The following ANO2 variants were observed in gnomAD, a reference collection of about 807,000 sequenced individuals.
The protein encoded by ANO2 is anoctamin-2.
Under a neutral mutation model 124.2 loss-of-function variants are expected in ANO2, and 101 were observed. The observed-to-expected ratio is 0.81, with a 90% CI of 0.69 to 0.96. The LOEUF (loss-of-function observed/expected upper bound fraction) is 0.96, where lower values mean the gene tolerates loss of function less well. Among genes scored for constraint, ANO2 ranks in the 40% least tolerant of loss-of-function variants. The pLI is 0.00. For missense variants in ANO2, 1,293 were observed against 1,274.5 expected (o/e 1.01, Z -0.22); for synonymous variants, 486 against 482.5 (o/e 1.01, Z -0.09).
chr12:5,656,640 A>C (rs755623326), intron 14 of ANO2, among the ~76,000 whole-genome samples: 3 of 152,156 alleles, frequency 2.0e-5, no homozygotes, highest in Non-Finnish European at 4.4e-5. Flanking sequence ...CAGTTCCAGG[A>C]GAGCAGAGGC....
chr12:5,923,118 GCA>G (rs1188832480), intron 1 of ANO2, among the ~76,000 whole-genome samples: 403 of 18,728 alleles, frequency 0.022, 62 homozygotes, highest in Non-Finnish European at 0.039. Context: ...ACACATGCAC[GCA>G]CACACACCCA....
At chr12:5,659,506 T>C (rs1285106906) in intron 14 of ANO2, among the ~76,000 whole-genome samples, 3 of 152,310 alleles carry the variant, frequency 2.0e-5, no homozygotes, top group Middle Eastern at 3.4e-3. Flanking sequence ...GGCCTCAGTC[T>C]AGGAGGGGAA....
chr12:5,769,755 T>C lies in ANO2; in HGVS notation c.1056-18785A>G, dbSNP rs892674442. On this transcript the variant is annotated intron_variant, in intron 10 of 24. Transcript: ENST00000682330. This position sits in a 1 kb window ranked among gnomAD's most constrained non-coding sequence, Gnocchi z 4.0. ...CCTTCATTCTAGGTACTCTGCTGAA[T>C]GTTTTGCACGCATGATCCCTTAGGA... 3.9e-5 allele frequency among the ~76,000 whole-genome samples: 6 copies of C among 152,212 alleles called. No homozygotes were observed. The East Asian group carries it at 5.8e-4, about 15-fold the overall frequency.
chr12:5,615,893 C>T (rs1382224193), intron 16 of ANO2, among the ~76,000 whole-genome samples: 2 of 152,132 alleles, frequency 1.3e-5, no homozygotes, highest in Non-Finnish European at 2.9e-5. Flanking sequence ...ATGATAAAGG[C>T]TTGTCATAGA....
At chr12:5,843,411 A>G (rs537531742) in intron 4 of ANO2, among the ~76,000 whole-genome samples, 1 of 152,084 alleles carries the variant, frequency 6.6e-6, no homozygotes, top group Non-Finnish European at 1.5e-5. Flanking sequence ...TGAGCCAGGC[A>G]TAGTGGCGCA....
intron 14 of ANO2, among the ~76,000 whole-genome samples, chr12:5,679,749 A>C (rs1289462229): frequency 1.3e-5 from 2 of 152,234 alleles, no homozygotes; most frequent in Non-Finnish European, 2.9e-5. Context: ...AAGACCTAGA[A>C]CCAGAAATAC....
At chr12:5,851,882 G>A (rs7485945) in intron 4 of ANO2, 687,898 of 712,166 alleles carry the variant, frequency 0.97, 333,090 homozygotes, top group East Asian at 1. Context: ...CACTTTTCCT[G>A]TGTCTCTAGG....
At chr12:5,830,297 CATA>C in intron 6 of ANO2, 135 bp downstream of exon 6, 5 of 813,610 alleles carry the variant, frequency 6.1e-6, no homozygotes, top group Non-Finnish European at 9.6e-6. Flanking sequence ...GAAGCTCTTG[CATA>C]CTCTTCTCTG....
chr12:5,831,394 C>T (rs1190757014), intron 5 of ANO2, among the ~76,000 whole-genome samples: 1 of 152,126 alleles, frequency 6.6e-6, no homozygotes, highest in African/African-American at 2.4e-5. Flanking sequence ...GTGAAGTGAC[C>T]ATTCAGATGC....
At chr12:5,741,352 A>T (rs7956471) in intron 12 of ANO2, among the ~76,000 whole-genome samples, 58,681 of 152,000 alleles carry the variant, frequency 0.39, 12,540 homozygotes, top group East Asian at 0.59. Context: ...GCATGTTTTC[A>T]TCTGACATGA....
intron 20 of ANO2, among the ~76,000 whole-genome samples, chr12:5,594,815 G>A (rs551372822): frequency 1.3e-5 from 2 of 152,308 alleles, no homozygotes; most frequent in Admixed American, 6.5e-5. Context: ...TCCAGCCTGG[G>A]TGATGTAGCA....
Position 5,599,553 on chromosome 12 carries a change from G to A in ANO2, c.2164C>T (p.Pro722Ser). 2 of 1,613,946 alleles carry A rather than the reference G, an allele frequency of 1.2e-6. No individual in the cohort carries two copies. The highest frequency in any genetic ancestry group is 1.7e-6 in the Non-Finnish European group (2 of 1,179,872). Residue 722 changes from proline (P) to serine (S), a missense_variant, in exon 20 of 25, where the codon CCA becomes TCA. Coordinates refer to ENST00000682330, the MANE Select transcript of ANO2 (RefSeq NM_001364791.2). The stretch of plus-strand genomic sequence containing the variant: ...CTGTAGTCTAGGTCCCACTGCTCTG[G>A]ATGTTTCGAATGGGCAGAGTCAGTT... Reference protein sequence around the residue: ...GETDSAHSKHPEQWDLDYSLE... With the variant: ...GETDSAHSKHSEQWDLDYSLE...
intron 20 of ANO2, among the ~76,000 whole-genome samples, chr12:5,592,291 C>T (rs566196140): frequency 1.3e-5 from 2 of 152,182 alleles, no homozygotes; most frequent in East Asian, 1.9e-4. Flanking sequence ...TTGTCCCTGT[C>T]CCCAAAGCAC....
chr12:5,628,235 G>C (rs985844956), intron 16 of ANO2, among the ~76,000 whole-genome samples: 1 of 152,168 alleles, frequency 6.6e-6, no homozygotes, highest in Non-Finnish European at 1.5e-5. Context: ...TGGGACAGGC[G>C]GCTGCACTCA....
intron 20 of ANO2, among the ~76,000 whole-genome samples, chr12:5,583,126 C>G (rs533629620): frequency 1.2e-4 from 19 of 152,270 alleles, no homozygotes; most frequent in African/African-American, 4.6e-4. Flanking sequence ...TAAATCTGAC[C>G]TTATTTTCAC....
chr12:5,606,261 CT>C (rs2136894198), intron 19 of ANO2, among the ~76,000 whole-genome samples: 1 of 152,278 alleles, frequency 6.6e-6, no homozygotes, highest in Admixed American at 6.5e-5. Context: ...TGCACTTGGC[CT>C]TGCATCTCAT....
chr12:5,822,630 C>A (rs1400728590), intron 7 of ANO2, among the ~76,000 whole-genome samples: 1 of 152,164 alleles, frequency 6.6e-6, no homozygotes, highest in Non-Finnish European at 1.5e-5. Context: ...GGGTGATCAA[C>A]CAGCTACATG....
At chr12:5,779,481 G>A (rs1012705990) in intron 10 of ANO2, among the ~76,000 whole-genome samples, 17 of 152,200 alleles carry the variant, frequency 1.1e-4, no homozygotes, top group Non-Finnish European at 2.5e-4. Context: ...TATCACAATA[G>A]ATGTAACATC....
At chr12:5,876,476 C>T (rs1313924230) in intron 3 of ANO2, among the ~76,000 whole-genome samples, 1 of 152,180 alleles carries the variant, frequency 6.6e-6, no homozygotes, top group Non-Finnish European at 1.5e-5. Flanking sequence ...AATCCTATTA[C>T]TGGGTATAAA....
Sources: allele counts gnomAD v4.1 joint callset (sites outside exome capture counted in the v4.1 genomes callset), GRCh38; gene constraint gnomAD v4.1.1; non-coding constraint Gnocchi (gnomAD v3.1); transcripts MANE v1.5; gene names NCBI Gene and HGNC (gene_info 2026-07-23, HGNC 2026-07-21).